The following ATP10D variants were observed in gnomAD, a reference collection of about 807,000 sequenced individuals.
ATP10D encodes phospholipid-transporting ATPase VD.
In ATP10D, 89 loss-of-function variants were observed where a neutral mutation model predicts 144.8. The observed-to-expected ratio is 0.61, with a 90% CI of 0.52 to 0.73. The LOEUF (loss-of-function observed/expected upper bound fraction) is 0.73, where lower values mean the gene tolerates loss of function less well. Among genes scored for constraint, ATP10D ranks in the 30% least tolerant of loss-of-function variants. The pLI is 0.00. For synonymous variants in ATP10D, 571 were observed against 615.1 expected, an observed-to-expected ratio of 0.93 and a Z score of 1.06; for missense variants, 1,603 against 1,714.8, an observed-to-expected ratio of 0.93 and a Z score of 1.15.
intron 21 of ATP10D, 47 bp from the exon 22 acceptor site, chr4:47,586,972 G>A: frequency 6.4e-7 from 1 of 1,569,088 alleles, no homozygotes; most frequent in Non-Finnish European, 8.7e-7. Flanking sequence ...TGGCAATACT[G>A]TATCAGTGAC....
At chr4:47,491,073 C>G (rs1577601363) in intron 1 of ATP10D, 2 of 726,690 alleles carry the variant, frequency 2.8e-6, no homozygotes. Context: ...GTGGAGCAGG[C>G]TGGTGCTTCA....
intron 13 of ATP10D, among the ~76,000 whole-genome samples, chr4:47,559,642 A>C (rs1470686427): frequency 6.6e-6 from 1 of 152,184 alleles, no homozygotes. Flanking sequence ...GGTTTAGTTC[A>C]TGGGAGCTGC....
At chr4:47,502,399 G>A (rs1715740310) in intron 1 of ATP10D, among the ~76,000 whole-genome samples, 1 of 151,864 alleles carries the variant, frequency 6.6e-6, no homozygotes, top group Non-Finnish European at 1.5e-5. Context: ...GAACCCAGGA[G>A]GCAGAGCTTG....
intron 22 of ATP10D, 126 bp downstream of exon 22, chr4:47,587,332 C>T (rs1720840111): frequency 1.2e-6 from 1 of 858,432 alleles, no homozygotes; most frequent in Non-Finnish European, 1.8e-6. Flanking sequence ...CAATTTGTGT[C>T]CTAGTTAAAA....
rs528576045 is a variant in ATP10D at position 47,535,546 on chromosome 4, G to C, written c.814G>C (p.Glu272Gln). ...SNKERVGLSK[E>Q]NLLLRGCTIR... is the part of the protein sequence containing the mutation. ...CAAAGAACGCGTGGGTCTCAGTAAA[G>C]AAAATTTGTTGCTTAGAGGATGCAC... The change falls in exon 6 of 23, where the codon GAA (glutamate) becomes CAA (glutamine). Residue 272 changes from glutamate to glutamine, a missense_variant. Transcript: ENST00000273859. 3 of 1,613,096 alleles carry C rather than the reference G, an allele frequency of 1.9e-6. No individual in the cohort carries two copies. The highest frequency in any genetic ancestry group is 4.5e-5 in the East Asian group (2 of 44,844).
chr4:47,538,946 A>C (rs761119517), intron 9 of ATP10D, among the ~76,000 whole-genome samples: 12 of 152,160 alleles, frequency 7.9e-5, no homozygotes, highest in Non-Finnish European at 1.8e-4. Flanking sequence ...TCTTCTTTCA[A>C]ATTACTCGAA....
chr4:47,550,875 G>A (rs990566841), intron 10 of ATP10D, among the ~76,000 whole-genome samples: 2 of 152,014 alleles, frequency 1.3e-5, no homozygotes, highest in Non-Finnish European at 1.5e-5. Flanking sequence ...GGTGGACAGC[G>A]AGCGAAAGCT....
At chr4:47,541,203 A>G (rs1718116841) in intron 9 of ATP10D, among the ~76,000 whole-genome samples, 1 of 152,214 alleles carries the variant, frequency 6.6e-6, no homozygotes, top group East Asian at 1.9e-4. Context: ...TGAGTTCTCT[A>G]TAAATATAGC....
intron 21 of ATP10D, 141 bp downstream of exon 21, chr4:47,582,205 G>A (rs2109475797): frequency 1.4e-6 from 1 of 689,672 alleles, no homozygotes; most frequent in Non-Finnish European, 2.5e-6. Context: ...AGCTACTCTG[G>A]GTGATCATTG....
chr4:47,512,752 A>G lies in ATP10D; in HGVS notation c.212A>G (p.Tyr71Cys), dbSNP rs898368908. The G allele has an allele frequency of 4.3e-6, 7 of 1,614,114 alleles. No homozygotes were observed. The African/African-American group carries it at 9.3e-5, about 22-fold the overall frequency. Reference sequence around the variant, plus strand: ...GAGTATGAGAAGTTCTCCGGAGCCTATGTGAACAATCGAATACGAACAACA... The same window carrying G: ...GAGTATGAGAAGTTCTCCGGAGCCTGTGTGAACAATCGAATACGAACAACA... ...KDEYEKFSGA[Y>C]VNNRIRTTKY... The change falls in exon 2 of 23, where the codon TAT becomes TGT. Residue 71 changes from tyrosine to cysteine, a missense_variant. Physicochemically the swap from Tyr to Cys is radical, Grantham distance 194. Coordinates refer to ENST00000273859, the MANE Select transcript of ATP10D (RefSeq NM_020453.4).
intron 1 of ATP10D, among the ~76,000 whole-genome samples, chr4:47,510,331 AG>A (rs1178758576): frequency 6.6e-6 from 1 of 152,108 alleles, no homozygotes; most frequent in Non-Finnish European, 1.5e-5. Flanking sequence ...AGGCTCTAGA[AG>A]GGGGCCATGG....
chr4:47,563,505 A>G (rs1719430966), intron 14 of ATP10D, 76 bp from the exon 15 acceptor site: 1 of 1,327,534 alleles, frequency 7.5e-7, no homozygotes, highest in Non-Finnish European at 1.0e-6. Flanking sequence ...AACAGATATG[A>G]TTCAACTGTA....
intron 1 of ATP10D, among the ~76,000 whole-genome samples, chr4:47,503,632 C>T (rs1424722285): frequency 6.6e-6 from 1 of 152,174 alleles, no homozygotes; most frequent in East Asian, 1.9e-4. Flanking sequence ...GGCAGTGGCT[C>T]TCCCCTGTAA....
intron 10 of ATP10D, among the ~76,000 whole-genome samples, chr4:47,551,137 G>A (rs1718713125): frequency 6.6e-6 from 1 of 152,170 alleles, no homozygotes; most frequent in Non-Finnish European, 1.5e-5. Flanking sequence ...GATTGGTCGG[G>A]TGTGAGCAAA....
chr4:47,486,262 A>T (rs1714753463), intron 1 of ATP10D, among the ~76,000 whole-genome samples: 1 of 152,200 alleles, frequency 6.6e-6, no homozygotes, highest in African/African-American at 2.4e-5. Flanking sequence ...GGTGTCTGGG[A>T]CCCTGTGCCT....
chr4:47,508,161 A>G (rs6447563), intron 1 of ATP10D, among the ~76,000 whole-genome samples: 151,300 of 152,320 alleles, frequency 0.99, 75,148 homozygotes, highest in East Asian at 1. Context: ...GTTCATGAAC[A>G]TTGTTGGGAT....
chr4:47,520,508 C>G (rs1056469974), intron 3 of ATP10D, among the ~76,000 whole-genome samples: 1 of 152,026 alleles, frequency 6.6e-6, no homozygotes, highest in Admixed American at 6.6e-5. Context: ...TACCTTCACC[C>G]CTTATTCTTT....
chr4:47,491,613 A>G (rs1487290810), intron 1 of ATP10D: 4 of 313,678 alleles, frequency 1.3e-5, no homozygotes, highest in Non-Finnish European at 1.8e-5. Context: ...TTTGGTCCCA[A>G]CCTAGATTTT....
chr4:47,559,104 T>C, intron 13 of ATP10D, 75 bp downstream of exon 13: 1 of 1,125,362 alleles, frequency 8.9e-7, no homozygotes. Context: ...AACCAGCGTG[T>C]AGCAAACCCT....
Sources: gnomAD v4.1 joint callset for allele counts (sites outside exome capture counted in the v4.1 genomes callset) on GRCh38, gnomAD v4.1.1 for gene constraint, MANE v1.5 for transcripts, NCBI Gene and HGNC (gene_info 2026-07-23, HGNC 2026-07-21) for gene names.